The following WDR88 variants were observed in gnomAD, a reference collection of about 807,000 sequenced individuals.
WDR88 encodes the protein WD repeat-containing protein 88.
In WDR88, 40 loss-of-function variants were observed where a neutral mutation model predicts 46.8. The observed-to-expected ratio is 0.86, with a 90% CI of 0.66 to 1.11. The LOEUF (loss-of-function observed/expected upper bound fraction) is 1.11. WDR88 is among the 50% of genes most tolerant of loss of function. WDR88 has a pLI of 0.00. For synonymous variants in WDR88, 235 were observed against 240.7 expected (o/e 0.98, Z 0.22); for missense variants, 562 against 602.4 (o/e 0.93, Z 0.70).
At position 33,172,422 on chromosome 19, in the gene WDR88, G is replaced by A. The variant is rs771255935; in HGVS notation, c.1224G>A (p.Val408=). ...IPLVIKYKKA[V]GLKLKQCERC... is the part of the protein sequence containing the mutation. ...TGGTAATCAAGTACAAAAAGGCCGT[G>A]GGCTTAAAGTTGAAACAGGTTGGTA... is the stretch of plus-strand genomic sequence containing the variant. Residue 408 remains valine, a synonymous_variant, in exon 10 of 11, where the codon GTG becomes GTA. Coordinates refer to ENST00000355868, the MANE Select transcript of WDR88 (RefSeq NM_173479.4). The A allele has an allele frequency of 3.1e-6, 5 of 1,613,868 alleles. No individual in the cohort carries two copies. The African/African-American group carries it at 4.0e-5, about 13-fold the overall frequency.
At chr19:33,163,180 A>G (rs1052901682) in intron 8 of WDR88, among the ~76,000 whole-genome samples, 3 of 151,924 alleles carry the variant, frequency 2.0e-5, no homozygotes, top group African/African-American at 4.8e-5. Flanking sequence ...AAAAATACAA[A>G]AAATTAGCCG....
intron 8 of WDR88, among the ~76,000 whole-genome samples, 188 bp downstream of exon 8, chr19:33,160,684 A>G (rs1266583202): frequency 6.6e-6 from 1 of 152,210 alleles, no homozygotes; most frequent in African/African-American, 2.4e-5. Context: ...AGAAACCACA[A>G]CAGGGTGACA....
intron 5 of WDR88, among the ~76,000 whole-genome samples, chr19:33,150,296 A>G (rs1973606769): frequency 6.6e-6 from 1 of 151,904 alleles, no homozygotes; most frequent in South Asian, 2.1e-4. Flanking sequence ...TACTAAAAAT[A>G]CAAAAATTAG....
intron 3 of WDR88, among the ~76,000 whole-genome samples, chr19:33,146,126 G>A (rs980633334): frequency 6.6e-6 from 1 of 151,798 alleles, no homozygotes; most frequent in South Asian, 2.1e-4. Flanking sequence ...GAGAAACCCC[G>A]GTCTCTACTA....
intron 1 of WDR88, among the ~76,000 whole-genome samples, chr19:33,134,841 C>CG (rs1491468634): frequency 1.5e-5 from 1 of 65,838 alleles, no homozygotes; most frequent in Non-Finnish European, 2.8e-5. Context: ...GTCCCCGACA[C>CG]CCCCCCCCCC....
chr19:33,145,053 C>T, intron 3 of WDR88, 121 bp downstream of exon 3: 2 of 938,492 alleles, frequency 2.1e-6, no homozygotes, highest in Non-Finnish European at 3.3e-6. Context: ...CACCATGTGG[C>T]CTAAGCTGGT....
chr19:33,144,171 A>G (rs957751606), intron 2 of WDR88, among the ~76,000 whole-genome samples: 3 of 152,124 alleles, frequency 2.0e-5, no homozygotes, highest in Admixed American at 6.6e-5. Context: ...GAGTGCGTGC[A>G]GGGGCCTGGA....
intron 10 of WDR88, chr19:33,174,216 G>A (rs2145430776): frequency 6.5e-7 from 1 of 1,536,544 alleles, no homozygotes; most frequent in South Asian, 1.2e-5. Flanking sequence ...CTGAAGCAAG[G>A]ATGAGCCTGC....
At chr19:33,161,644 T>G (rs545825076) in intron 8 of WDR88, among the ~76,000 whole-genome samples, 34 of 152,188 alleles carry the variant, frequency 2.2e-4, no homozygotes, top group African/African-American at 8.2e-4. Flanking sequence ...CGGATTAAAA[T>G]GGAATGTTAA....
At chr19:33,161,860 G>C (rs1973872670) in intron 8 of WDR88, among the ~76,000 whole-genome samples, 1 of 152,160 alleles carries the variant, frequency 6.6e-6, no homozygotes, top group African/African-American at 2.4e-5. Context: ...AGCTACTTGG[G>C]AGGCTGAGGC....
At position 33,150,888 on chromosome 19, in the gene WDR88, C is replaced by A. The variant is rs573850559; in HGVS notation, c.680-293C>A. On this transcript the variant is annotated intron_variant, in intron 5 of 10. Coordinates refer to ENST00000355868, the MANE Select transcript of WDR88 (RefSeq NM_173479.4). Reference sequence around the variant, plus strand: ...GGTGGCCAGGCTTATGTTGTCTGGGCCTTGGTGGCCCGTGCACTCATCTCA... The same window carrying A: ...GGTGGCCAGGCTTATGTTGTCTGGGACTTGGTGGCCCGTGCACTCATCTCA... Among the ~76,000 whole-genome samples, 23 of 152,340 alleles carry A rather than the reference C, an allele frequency of 1.5e-4. No individual in the cohort carries two copies. The East Asian group carries it at 4.4e-3, about 29-fold the overall frequency.
intron 1 of WDR88, among the ~76,000 whole-genome samples, chr19:33,136,255 A>G (rs1973264235): frequency 6.6e-6 from 1 of 151,948 alleles, no homozygotes; most frequent in South Asian, 2.1e-4. Context: ...GGGTTTCTCC[A>G]TGTTGGTCAG....
intron 10 of WDR88, 56 bp downstream of exon 10, chr19:33,172,496 ATTAAT>A (rs1433946927): frequency 5.0e-5 from 71 of 1,412,812 alleles, no homozygotes; most frequent in Non-Finnish European, 6.5e-5. Context: ...CCCTCTATAA[ATTAAT>A]TTATCATTTG....
At chr19:33,174,291 C>T (rs1599922375) in intron 10 of WDR88, 1 of 1,531,402 alleles carries the variant, frequency 6.5e-7, no homozygotes, top group East Asian at 2.5e-5. Context: ...CCGAGGCCTG[C>T]CCCAGGTAGG....
intron 1 of WDR88, among the ~76,000 whole-genome samples, chr19:33,137,037 C>A (rs1004867230): frequency 6.7e-6 from 1 of 149,512 alleles, no homozygotes; most frequent in Non-Finnish European, 1.5e-5. Context: ...CTCAAGTAGT[C>A]CTCCCGCCTC....
rs1291251743 is a variant in WDR88 at position 33,172,366 on chromosome 19, T to C, written c.1168T>C (p.Trp390Arg). 1.9e-6 allele frequency: 3 copies of C among 1,613,990 alleles called. No individual in the cohort carries two copies. Among genetic ancestry groups the C allele is most frequent in the Admixed American group, 3.3e-5 (2 of 60,004 alleles). ...SASKDRTMRL[W>R]NIEEIDEIPL... ...GTTTTAGGATAGGACCATGAGACTG[T>C]GGAATATTGAAGAAATTGATGAAAT... Residue 390 changes from tryptophan (W) to arginine (R), a missense_variant, in exon 10 of 11, where the codon TGG (tryptophan) becomes CGG (arginine). Coordinates refer to ENST00000355868, the MANE Select transcript of WDR88 (RefSeq NM_173479.4).
chr19:33,138,882 GTGTT>G (rs1267395624), intron 2 of WDR88, among the ~76,000 whole-genome samples: 1 of 151,666 alleles, frequency 6.6e-6, no homozygotes, highest in Non-Finnish European at 1.5e-5. Flanking sequence ...GGGTTTCACT[GTGTT>G]GGCCAGGATG....
chr19:33,138,200 C>A (rs1294949801), intron 2 of WDR88, among the ~76,000 whole-genome samples: 1 of 152,030 alleles, frequency 6.6e-6, no homozygotes, highest in Non-Finnish European at 1.5e-5. Flanking sequence ...CCACACCCAG[C>A]TAATTTTGTT....
At position 33,144,875 on chromosome 19, in the gene WDR88, T is replaced by A; in HGVS notation, c.419T>A (p.Phe140Tyr). The change falls in exon 3 of 11, where the codon TTT becomes TAT. Residue 140 changes from phenylalanine to tyrosine, a missense_variant. By Grantham distance (22) the Phe-to-Tyr change is conservative (BLOSUM62 3). Transcript: ENST00000355868. ...GTGGACGGTTCTGTGGTTCGCGATT[T>A]TGAGCACAGGCCCAAAGCTCCTGTT... The part of the protein sequence containing the change: ...DPVDGSVVRD[F>Y]EHRPKAPVVE... 6.2e-7 allele frequency: 1 copy of A among 1,613,776 alleles called. No homozygotes were observed. The highest frequency in any genetic ancestry group is 2.2e-5 in the East Asian group (1 of 44,870).
Sources: gnomAD v4.1 joint callset for allele counts (sites outside exome capture counted in the v4.1 genomes callset) on GRCh38, gnomAD v4.1.1 for gene constraint, MANE v1.5 for transcripts, NCBI Gene and HGNC (gene_info 2026-07-23, HGNC 2026-07-21) for gene names.